CCDC102B: variants seen among roughly 807,000 people sequenced by gnomAD.
CCDC102B encodes the protein coiled-coil domain containing 102B.
In CCDC102B, 75 loss-of-function variants were observed where a neutral mutation model predicts 57.4. That is an observed-to-expected ratio of 1.31 (90% confidence interval 1.08 to 1.58). CCDC102B has a LOEUF of 1.58. Ranked by LOEUF, CCDC102B falls within the 40% of genes most tolerant of loss-of-function variation. The pLI is 0.00. For missense variants in CCDC102B, 636 were observed against 582.6 expected (o/e 1.09, Z -0.94); for synonymous variants, 206 against 201.9 (o/e 1.02, Z -0.17).
chr18:69,007,537 T>C (rs1357648702), intron 6 of CCDC102B, among the ~76,000 whole-genome samples: 1 of 152,220 alleles, frequency 6.6e-6, no homozygotes, highest in Non-Finnish European at 1.5e-5. Context: ...CTTATTAGAA[T>C]TGGCTTATAC....
Position 68,986,402 on chromosome 18 carries a change from G to A in CCDC102B, c.1264-24532G>A, listed in dbSNP as rs114222150. 3.0e-3 allele frequency among the ~76,000 whole-genome samples: 460 copies of A among 152,166 alleles called. 1 individual carries two copies. The highest frequency in any genetic ancestry group is 0.01 in the African/African-American group (421 of 41,536). On this transcript the variant is annotated intron_variant, in intron 6 of 7. Transcript: ENST00000360242. Reference sequence around the variant, plus strand: ...AATTAAAAGCAAACACCATATGATCGTCTCAATTGATTCAGGAAAAGCTTT... The same window carrying A: ...AATTAAAAGCAAACACCATATGATCATCTCAATTGATTCAGGAAAAGCTTT...
chr18:68,846,722 A>G (rs1278847124), intron 4 of CCDC102B, among the ~76,000 whole-genome samples: 1 of 151,782 alleles, frequency 6.6e-6, no homozygotes, highest in Non-Finnish European at 1.5e-5. Context: ...ATCCATATTG[A>G]TAGTTAAATG....
At chr18:68,937,753 C>T (rs1483564074) in intron 6 of CCDC102B, among the ~76,000 whole-genome samples, 1 of 151,976 alleles carries the variant, frequency 6.6e-6, no homozygotes, top group Non-Finnish European at 1.5e-5. Flanking sequence ...TCCCCTATCC[C>T]CCTACCCCAC....
At chr18:68,726,723 C>T (rs76886755) in intron 2 of CCDC102B, among the ~76,000 whole-genome samples, 1 of 152,154 alleles carries the variant, frequency 6.6e-6, no homozygotes, top group Admixed American at 6.5e-5. Context: ...CATATTGTCA[C>T]AATCTGGTGA....
intron 6 of CCDC102B, among the ~76,000 whole-genome samples, chr18:68,993,658 A>G (rs2050937985): frequency 6.6e-6 from 1 of 152,214 alleles, no homozygotes; most frequent in Admixed American, 6.5e-5. Flanking sequence ...TTGATAAATG[A>G]AAGTCTAACT....
chr18:68,727,747 A>G (rs1217404836), intron 2 of CCDC102B, among the ~76,000 whole-genome samples: 1 of 152,248 alleles, frequency 6.6e-6, no homozygotes, highest in Non-Finnish European at 1.5e-5. Flanking sequence ...TCTTGTGTCC[A>G]GCAGCTAGTA....
chr18:68,950,826 A>T (rs566953579), intron 6 of CCDC102B, among the ~76,000 whole-genome samples: 1 of 152,304 alleles, frequency 6.6e-6, no homozygotes, highest in Admixed American at 6.5e-5. Context: ...ATGGTTTGTT[A>T]ATTGCCTAAG....
intron 4 of CCDC102B, among the ~76,000 whole-genome samples, chr18:68,852,748 A>G (rs1473124406): frequency 6.6e-6 from 1 of 152,222 alleles, no homozygotes; most frequent in South Asian, 2.1e-4. Context: ...TGTATTGTAG[A>G]AAAGATATTG....
chr18:68,914,967 A>AC (rs1022452215), intron 6 of CCDC102B, among the ~76,000 whole-genome samples: 1 of 71,342 alleles, frequency 1.4e-5, no homozygotes, highest in African/African-American at 5.5e-5. Context: ...TTTAGGCACT[A>AC]CTGGGGGGAG....
intron 5 of CCDC102B, among the ~76,000 whole-genome samples, chr18:68,875,856 A>G (rs1456649061): frequency 6.6e-6 from 1 of 152,174 alleles, no homozygotes; most frequent in East Asian, 1.9e-4. Context: ...GCTTAGGAGA[A>G]TTATATCCTC....
At chr18:68,915,116 C>T (rs148311047) in intron 6 of CCDC102B, among the ~76,000 whole-genome samples, 1 of 152,130 alleles carries the variant, frequency 6.6e-6, no homozygotes, top group South Asian at 2.1e-4. Flanking sequence ...CTTCTAGTTA[C>T]ATTTAAGTAG....
At chr18:69,028,406 A>C (rs926455983) in intron 7 of CCDC102B, among the ~76,000 whole-genome samples, 2 of 152,146 alleles carry the variant, frequency 1.3e-5, no homozygotes, top group Non-Finnish European at 2.9e-5. Flanking sequence ...ACCTGAGGCT[A>C]GAAGCACAAG....
chr18:68,873,668 G>A (rs1201221308), intron 4 of CCDC102B, among the ~76,000 whole-genome samples: 1 of 151,778 alleles, frequency 6.6e-6, no homozygotes, highest in Non-Finnish European at 1.5e-5. Context: ...CAGTTCCTGG[G>A]GACTAGTACA....
intron 1 of CCDC102B, among the ~76,000 whole-genome samples, chr18:68,825,201 A>T (rs2036860810): frequency 6.6e-6 from 1 of 152,226 alleles, no homozygotes; most frequent in Admixed American, 6.5e-5. Flanking sequence ...GAAACTGATG[A>T]AACTGACATG....
intron 5 of CCDC102B, among the ~76,000 whole-genome samples, chr18:68,881,624 G>A (rs4891709): frequency 0.45 from 68,518 of 151,746 alleles, 16,201 homozygotes; most frequent in East Asian, 0.71. Flanking sequence ...GAGAACGAGG[G>A]AACTACTGAT....
chr18:68,993,773 T>C (rs918820026), intron 6 of CCDC102B, among the ~76,000 whole-genome samples: 1 of 152,146 alleles, frequency 6.6e-6, no homozygotes, highest in Non-Finnish European at 1.5e-5. Flanking sequence ...ATAAAAATCA[T>C]TGTAAAGAAT....
chr18:69,012,830 C>G (rs1223498363), intron 7 of CCDC102B, among the ~76,000 whole-genome samples: 1 of 151,756 alleles, frequency 6.6e-6, no homozygotes, highest in African/African-American at 2.4e-5. Context: ...TTTGTTGCTA[C>G]AAAAAACAAA....
chr18:68,882,627 T>C (rs1289080862), intron 5 of CCDC102B, among the ~76,000 whole-genome samples: 1 of 152,230 alleles, frequency 6.6e-6, no homozygotes, highest in Non-Finnish European at 1.5e-5. Flanking sequence ...CATATTTCAT[T>C]TAAACGTTTT....
chr18:68,882,013 T>A (rs967349727), intron 5 of CCDC102B, among the ~76,000 whole-genome samples: 1 of 152,210 alleles, frequency 6.6e-6, no homozygotes, highest in Admixed American at 6.5e-5. Context: ...ACAATGTGGC[T>A]AAATAATAAT....
Sources: gnomAD v4.1 joint callset for allele counts (sites outside exome capture counted in the v4.1 genomes callset) on GRCh38, gnomAD v4.1.1 for gene constraint, MANE v1.5 for transcripts, NCBI Gene and HGNC (gene_info 2026-07-23, HGNC 2026-07-21) for gene names.